Variants in HPGD observed in about 807,000 individuals in gnomAD.
The protein encoded by HPGD is 15-hydroxyprostaglandin dehydrogenase.
Under a neutral mutation model 30.0 loss-of-function variants are expected in HPGD, and 29 were observed. The observed-to-expected ratio is 0.97, with a 90% CI of 0.72 to 1.32. HPGD has a LOEUF of 1.32. Among genes scored for constraint, HPGD ranks in the 40% most tolerant of loss-of-function variants. The pLI is 0.00. For synonymous variants in HPGD, 99 were observed against 112.4 expected (o/e 0.88, Z 0.75); for missense variants, 340 against 322.1 (o/e 1.06, Z -0.43).
chr4:174,491,457 T>C lies in HPGD; in HGVS notation c.*499A>G, dbSNP rs1327047836. 6.1e-6 allele frequency: 1 copy of C among 163,680 alleles called. No homozygotes were observed. The highest frequency in any genetic ancestry group is 1.3e-5 in the Non-Finnish European group (1 of 74,844). 10.1% of individuals were successfully genotyped at this position (163,680 alleles called of 1,614,324 possible). ...CAAAATATACTACTCTAAGAAGCTC[T>C]TGGAAGAACTGAAATGTTCAGTTGA... On this transcript the variant is annotated 3_prime_UTR_variant, in exon 7 of 7. Coordinates refer to ENST00000296522, the MANE Select transcript of HPGD (RefSeq NM_000860.6).
At chr4:174,522,531 G>C (rs1052813362), upstream of HPGD, 39 of 1,097,130 alleles carry the variant, frequency 3.6e-5, no homozygotes, top group Middle Eastern at 3.1e-4. Flanking sequence ...CCCTGCGCGC[G>C]CGCGCGTGCA....
chr4:174,497,568 C>CTTTCT (rs1360019053), intron 4 of HPGD, among the ~76,000 whole-genome samples: 1 of 51,104 alleles, frequency 2.0e-5, no homozygotes, highest in Non-Finnish European at 4.1e-5. Flanking sequence ...CTTTTTCTTT[C>CTTTCT]TTTTTTTTTT....
rs186031854 is a variant in HPGD at position 174,496,106 on chromosome 4, C to T, written c.422-482G>A. Among the ~76,000 whole-genome samples, 233 of 152,324 alleles carry T rather than the reference C, an allele frequency of 1.5e-3. No individual in the cohort carries two copies. The highest frequency in any genetic ancestry group is 2.8e-3 in the Non-Finnish European group (188 of 68,026). ...TTCACTACAAATTAGTATGCAATTTCCTGTCACCAATCTGTCTTGAACAAT... is the reference window on the plus strand; with the variant it reads ...TTCACTACAAATTAGTATGCAATTTTCTGTCACCAATCTGTCTTGAACAAT... On this transcript the variant is annotated intron_variant, in intron 4 of 6. Transcript: ENST00000296522. The surrounding 1 kb of genome is among the most constrained non-coding windows in gnomAD (Gnocchi z 4.6).
At chr4:174,505,059 A>T (rs1220240736) in intron 4 of HPGD, among the ~76,000 whole-genome samples, 1 of 152,208 alleles carries the variant, frequency 6.6e-6, no homozygotes, top group Non-Finnish European at 1.5e-5. Flanking sequence ...CACACTCAGA[A>T]CAACTTGTGG....
At position 174,517,947 on chromosome 4, in the gene HPGD, A is replaced by T. The variant is rs148441716; in HGVS notation, c.324+24T>A. ...TCATGTTATTAAATAATTATAGACA[A>T]GAAATATAGCTAAGATAACTCACCA... On this transcript the variant is annotated intron_variant, in intron 3 of 6. Transcript: ENST00000296522. 8.4e-6 allele frequency: 10 copies of T among 1,185,508 alleles called. No homozygotes were observed. The Admixed American group carries it at 1.7e-4, about 20-fold the overall frequency. 73.4% of individuals were successfully genotyped at this position (1,185,508 alleles called of 1,614,324 possible).
chr4:174,514,054 A>C (rs1252050954), intron 3 of HPGD, among the ~76,000 whole-genome samples: 2 of 152,122 alleles, frequency 1.3e-5, no homozygotes, highest in Non-Finnish European at 2.9e-5. Flanking sequence ...CCCAAACCAA[A>C]TAAGAACATT....
chr4:174,508,209 T>G (rs1266671349), intron 4 of HPGD: 2 of 627,840 alleles, frequency 3.2e-6, no homozygotes, highest in African/African-American at 4.6e-5. Context: ...TGCCTCAGAC[T>G]GATGTACGAG....
intron 4 of HPGD, among the ~76,000 whole-genome samples, chr4:174,498,428 C>T (rs1734748580): frequency 6.6e-6 from 1 of 151,968 alleles, no homozygotes; most frequent in South Asian, 2.1e-4. Context: ...CCAATGAAAC[C>T]ATGACCAGTC....
intron 4 of HPGD, among the ~76,000 whole-genome samples, chr4:174,502,541 G>A (rs1027866507): frequency 3.3e-5 from 5 of 152,186 alleles, no homozygotes; most frequent in African/African-American, 7.2e-5. Context: ...AGCCAGGCGT[G>A]GTGGCGGGCG....
intron 3 of HPGD, among the ~76,000 whole-genome samples, chr4:174,512,890 G>T (rs1233345336): frequency 6.6e-6 from 1 of 152,170 alleles, no homozygotes; most frequent in Non-Finnish European, 1.5e-5. Context: ...TGGTCTTCCA[G>T]AATTTCCTAT....
chr4:174,500,259 C>A, intron 4 of HPGD, among the ~76,000 whole-genome samples: 1 of 152,150 alleles, frequency 6.6e-6, no homozygotes, highest in East Asian at 1.9e-4. Context: ...CTGAAGACAC[C>A]AAATACTGAT....
chr4:174,516,453 A>T (rs1382138977), intron 3 of HPGD, among the ~76,000 whole-genome samples: 1 of 152,146 alleles, frequency 6.6e-6, no homozygotes. Flanking sequence ...ATATGGATAC[A>T]AAGGGGAACA....
chr4:174,522,331 A>T, intron 1 of HPGD, 28 bp downstream of exon 1: 1 of 1,545,858 alleles, frequency 6.5e-7, no homozygotes, highest in African/African-American at 1.4e-5. Flanking sequence ...TGGGCAGAGA[A>T]ATTTCCGCGG....
chr4:174,506,470 G>C (rs144316218), intron 4 of HPGD, among the ~76,000 whole-genome samples: 1 of 152,294 alleles, frequency 6.6e-6, no homozygotes, highest in African/African-American at 2.4e-5. Flanking sequence ...AAATAATCTA[G>C]TGGTTAAAAT....
At chr4:174,521,464 G>T (rs943961805) in intron 2 of HPGD, among the ~76,000 whole-genome samples, 1 of 152,030 alleles carries the variant, frequency 6.6e-6, no homozygotes, top group Non-Finnish European at 1.5e-5. Flanking sequence ...GAAAACATAT[G>T]GTCAAAAGCA....
At position 174,496,378 on chromosome 4, in the gene HPGD, G is replaced by GTAT. The variant is rs35261514; in HGVS notation, c.422-757_422-755dup. ...ATTCATGGTCTGGAGAGAAAAAACA[G>GTAT]TATAGCATATACCTATAGCATCTCT... On this transcript the variant is annotated intron_variant, in intron 4 of 6. Coordinates refer to ENST00000296522, the MANE Select transcript of HPGD (RefSeq NM_000860.6). This position sits in a 1 kb window ranked among gnomAD's most constrained non-coding sequence, Gnocchi z 4.6. Among the ~76,000 whole-genome samples the GTAT allele has an allele frequency of 0.21, 32,575 of 151,948 alleles. 3,929 individuals carry two copies. Among genetic ancestry groups the GTAT allele is most frequent in the East Asian group, 0.51 (2,644 of 5,142 alleles).
At chr4:174,503,911 A>G (rs72704149) in intron 4 of HPGD, among the ~76,000 whole-genome samples, 20,162 of 151,968 alleles carry the variant, frequency 0.13, 1,570 homozygotes, top group Non-Finnish European at 0.16. Context: ...TTTTATACAG[A>G]TGAGGTCTCA....
rs1734608239 is a variant in HPGD, at chr4:174,496,597, C to A, written c.422-973G>T. 6.6e-6 allele frequency among the ~76,000 whole-genome samples: 1 copy of A among 152,130 alleles called. No individual in the cohort carries two copies. The highest frequency in any genetic ancestry group is 2.4e-5 in the African/African-American group (1 of 41,426). On this transcript the variant is annotated intron_variant, in intron 4 of 6. Coordinates refer to ENST00000296522, the MANE Select transcript of HPGD (RefSeq NM_000860.6). The surrounding 1 kb of genome is among the most constrained non-coding windows in gnomAD (Gnocchi z 4.6). ...TAATTTGGATTAACTTGTTTTAATG[C>A]TTTTTAAGTTTGTGACTTCTCTGAG...
chr4:174,493,344 A>C, intron 5 of HPGD, 30 bp from the exon 6 acceptor site: 1 of 1,609,948 alleles, frequency 6.2e-7, no homozygotes, highest in Non-Finnish European at 8.5e-7. Flanking sequence ...AGGTTTCAGC[A>C]GTTTCATAAA....
Sources: gnomAD v4.1 joint callset for allele counts (sites outside exome capture counted in the v4.1 genomes callset) on GRCh38, gnomAD v4.1.1 for gene constraint, Gnocchi (gnomAD v3.1) non-coding constraint, MANE v1.5 for transcripts, NCBI Gene and HGNC (gene_info 2026-07-23, HGNC 2026-07-21) for gene names.